CHST8: variants seen among roughly 807,000 people sequenced by gnomAD.
The protein encoded by CHST8 is GALNAC-4-ST1.
A neutral mutation model predicts 15.0 loss-of-function variants in CHST8; 10 were observed. The observed-to-expected ratio is 0.67, with a 90% confidence interval of 0.41 to 1.13. The LOEUF (loss-of-function observed/expected upper bound fraction) is 1.13, where lower values mean the gene tolerates loss of function less well. CHST8 is among the 50% of genes most tolerant of loss of function. The pLI, the probability that CHST8 is intolerant of heterozygous loss-of-function variation, is 0.00. For missense variants in CHST8, 634 were observed against 608.2 expected (o/e 1.04, Z -0.45); for synonymous variants, 259 against 256.6 (o/e 1.01, Z -0.09).
rs117451334 is a variant in CHST8, at chr19:33,675,585, C to T, written c.-87+7742C>T. On this transcript the variant is annotated intron_variant, in intron 2 of 4. Transcript: ENST00000650847. The stretch of plus-strand genomic sequence containing the variant: ...GTGGTTGATGGCAACCACTGAACCA[C>T]GCAAGAGCTGGTTTCCTGGCAACAC... Among the ~76,000 whole-genome samples the T allele has an allele frequency of 7.3e-4, 111 of 152,328 alleles. 1 individual carries two copies. In the East Asian group the frequency reaches 0.02, roughly 28 times the overall value.
At chr19:33,758,924 G>GC (rs1473307519) in intron 3 of CHST8, among the ~76,000 whole-genome samples, 1 of 151,986 alleles carries the variant, frequency 6.6e-6, no homozygotes, top group Admixed American at 6.6e-5. Context: ...TTTCTTGGCG[G>GC]GGGGGGGCGG....
At chr19:33,671,643 A>G (rs1395168326) in intron 2 of CHST8, among the ~76,000 whole-genome samples, 1 of 151,956 alleles carries the variant, frequency 6.6e-6, no homozygotes, top group South Asian at 2.1e-4. Flanking sequence ...CTTGGTTCAC[A>G]TGTTGCCTTC....
At chr19:33,739,890 G>A (rs1410094227) in intron 3 of CHST8, among the ~76,000 whole-genome samples, 1 of 152,132 alleles carries the variant, frequency 6.6e-6, no homozygotes, top group Non-Finnish European at 1.5e-5. Flanking sequence ...AACCAGACCA[G>A]CCCCCATCCT....
chr19:33,623,664 T>G (rs1409582966), intron 1 of CHST8, among the ~76,000 whole-genome samples: 2 of 152,198 alleles, frequency 1.3e-5, no homozygotes. Context: ...AGTCCTGCCC[T>G]AGGACAGGGC....
At position 33,622,675 on chromosome 19, in the gene CHST8, A is replaced by T. The variant is rs531113288; in HGVS notation, c.-164+379A>T. Among the ~76,000 whole-genome samples the T allele has an allele frequency of 2.6e-5, 4 of 152,204 alleles. No individual in the cohort carries two copies. The South Asian group carries it at 8.3e-4, about 31-fold the overall frequency. On this transcript the variant is annotated intron_variant, in intron 1 of 4. Transcript: ENST00000650847. ...CGCTGAGCAGCGAGCGCCGAGGGCCAGGCAGGAGCGCTCGGGGCGCTGGGG... is the reference window on the plus strand; with the variant it reads ...CGCTGAGCAGCGAGCGCCGAGGGCCTGGCAGGAGCGCTCGGGGCGCTGGGG...
At chr19:33,745,181 C>T (rs970376674) in intron 3 of CHST8, among the ~76,000 whole-genome samples, 1 of 152,194 alleles carries the variant, frequency 6.6e-6, no homozygotes, top group Non-Finnish European at 1.5e-5. Flanking sequence ...CAGTGCCTGG[C>T]CTCTGCTACT....
chr19:33,687,150 G>T (rs1568327590), intron 2 of CHST8, among the ~76,000 whole-genome samples: 2 of 152,274 alleles, frequency 1.3e-5, no homozygotes, highest in Admixed American at 6.5e-5. Context: ...CCCCGGTGGG[G>T]CTGGGACTCT....
intron 3 of CHST8, among the ~76,000 whole-genome samples, chr19:33,722,068 G>C (rs1164057817): frequency 7.1e-5 from 5 of 70,852 alleles, no homozygotes; most frequent in African/African-American, 5.4e-4. Context: ...TGATGGATGA[G>C]ATGGATGGAT....
At chr19:33,754,914 T>A (rs1599625509) in intron 3 of CHST8, among the ~76,000 whole-genome samples, 1 of 152,348 alleles carries the variant, frequency 6.6e-6, no homozygotes, top group East Asian at 1.9e-4. Context: ...CCCTTTCTGC[T>A]GAGCACCTGA....
intron 3 of CHST8, among the ~76,000 whole-genome samples, chr19:33,728,477 A>T (rs951212318): frequency 2.6e-5 from 4 of 152,212 alleles, no homozygotes; most frequent in Admixed American, 6.5e-5. Context: ...AGTTGGGGGA[A>T]CACAGTGCCA....
chr19:33,688,883 C>T (rs1335189674), intron 2 of CHST8, among the ~76,000 whole-genome samples: 1 of 152,226 alleles, frequency 6.6e-6, no homozygotes, highest in East Asian at 1.9e-4. Context: ...TGACTGGGGG[C>T]CTGGAGGTTC....
In CHST8 at chr19:33,690,784, A is replaced by G. The variant is rs182461987; in HGVS notation, c.130+1393A>G. 6.4e-4 allele frequency among the ~76,000 whole-genome samples: 97 copies of G among 152,336 alleles called. 1 individual carries two copies. The highest frequency in any genetic ancestry group is 2.3e-3 in the African/African-American group (95 of 41,584). On this transcript the variant is annotated intron_variant, in intron 3 of 4. Transcript: ENST00000650847. ...CACATGAGCCCCAGAACAGCTCATG[A>G]CACTGCATTGGCAGAACAGGGCCCC...
At chr19:33,746,178 G>T (rs1463971385) in intron 3 of CHST8, among the ~76,000 whole-genome samples, 3 of 152,132 alleles carry the variant, frequency 2.0e-5, no homozygotes, top group Non-Finnish European at 4.4e-5. Flanking sequence ...TAAAAAACAT[G>T]GCACTTTAGA....
At chr19:33,690,188 C>G (rs1450207720) in intron 3 of CHST8, among the ~76,000 whole-genome samples, 1 of 152,118 alleles carries the variant, frequency 6.6e-6, no homozygotes, top group Non-Finnish European at 1.5e-5. Flanking sequence ...TTCCATGAAG[C>G]CACACACTCA....
chr19:33,715,223 A>G (rs980035389), intron 3 of CHST8, among the ~76,000 whole-genome samples: 3 of 152,078 alleles, frequency 2.0e-5, no homozygotes, highest in African/African-American at 7.2e-5. Context: ...AAGGTCATGG[A>G]CGTGTGTGAA....
intron 1 of CHST8, among the ~76,000 whole-genome samples, chr19:33,663,651 A>C (rs1037166541): frequency 3.3e-5 from 5 of 152,166 alleles, no homozygotes; most frequent in Non-Finnish European, 5.9e-5. Context: ...CAGGCGGATC[A>C]CTTGAGGCCA....
chr19:33,630,336 G>A (rs1972106180), intron 1 of CHST8, among the ~76,000 whole-genome samples: 1 of 152,252 alleles, frequency 6.6e-6, no homozygotes. Context: ...GCGATTGCTT[G>A]TGGGCAGGCA....
intron 4 of CHST8, 84 bp from the exon 5 acceptor site, chr19:33,771,873 A>T (rs1974990180): frequency 6.9e-7 from 1 of 1,459,154 alleles, no homozygotes; most frequent in East Asian, 2.3e-5. Flanking sequence ...CAGGAACCCC[A>T]GCCGTGGTGA....
chr19:33,710,623 T>C (rs1034071541), intron 3 of CHST8, among the ~76,000 whole-genome samples: 2 of 152,234 alleles, frequency 1.3e-5, no homozygotes, highest in Non-Finnish European at 2.9e-5. Flanking sequence ...CTATTGGTTC[T>C]ACCAATTTTA....
Sources: gnomAD v4.1 joint callset for allele counts (sites outside exome capture counted in the v4.1 genomes callset) on GRCh38, gnomAD v4.1.1 for gene constraint, MANE v1.5 for transcripts, NCBI Gene and HGNC (gene_info 2026-07-23, HGNC 2026-07-21) for gene names.